RADIL: variants seen among roughly 807,000 people sequenced by gnomAD.
RADIL encodes ras-associating and dilute domain-containing protein.
RADIL carries 99 observed loss-of-function variants against 97.6 expected under a neutral mutation model. That is an observed-to-expected ratio of 1.01 (90% confidence interval 0.86 to 1.20). RADIL has a LOEUF of 1.20. RADIL is among the 50% of genes most tolerant of loss of function. RADIL has a pLI of 0.00. For missense variants in RADIL, 1,765 were observed against 1,498.9 expected, an observed-to-expected ratio of 1.18 and a Z score of -2.93; for synonymous variants, 803 against 691.8, an observed-to-expected ratio of 1.16 and a Z score of -2.52.
At chr7:4,836,247 A>G (rs1386445877) in intron 3 of RADIL, 111 bp downstream of exon 3, 9 of 1,470,098 alleles carry the variant, frequency 6.1e-6, no homozygotes, top group Non-Finnish European at 7.3e-6. Flanking sequence ...GGCTGCAGCC[A>G]CAGAGCTCGC....
intron 5 of RADIL, among the ~76,000 whole-genome samples, chr7:4,827,375 A>G (rs1783015664): frequency 7.0e-6 from 1 of 143,322 alleles, no homozygotes; most frequent in Non-Finnish European, 1.5e-5. Flanking sequence ...AAAAAAAAAA[A>G]AGGGCCGGGT....
rs1783338274 is a variant in RADIL, at chr7:4,837,708, T to C, written c.536-1103A>G. On this transcript the variant is annotated intron_variant, in intron 2 of 14. Transcript: ENST00000399583. The surrounding 1 kb of genome is among the most constrained non-coding windows in gnomAD (Gnocchi z 5.6). Reference sequence around the variant, plus strand: ...ATTAACACATACATGCACACAAACATGCGCACAGTTCAGAGATAACACACA... The same window carrying C: ...ATTAACACATACATGCACACAAACACGCGCACAGTTCAGAGATAACACACA... The C allele has an allele frequency of 2.0e-6, 1 of 491,562 alleles. No individual in the cohort carries two copies. Among genetic ancestry groups the C allele is most frequent in the South Asian group, 8.8e-5 (1 of 11,408 alleles). 30.5% of individuals were successfully genotyped at this position (491,562 alleles called of 1,614,324 possible). A position where few individuals can be genotyped will look rare whatever the true frequency, so the allele number is the denominator to read the frequency against.
intron 2 of RADIL, chr7:4,861,951 C>T (rs1029219292): frequency 4.1e-6 from 2 of 493,814 alleles, no homozygotes. Flanking sequence ...CGCTGCGCGC[C>T]CGCCGCTTCA....
Position 4,883,150 on chromosome 7 carries a change from G to C in RADIL, c.-65+446C>G, listed in dbSNP as rs1419767966. Among the ~76,000 whole-genome samples the C allele has an allele frequency of 6.9e-6, 1 of 145,802 alleles. No homozygotes were observed. Among genetic ancestry groups the C allele is most frequent in the Non-Finnish European group, 1.5e-5 (1 of 67,946 alleles). ...ACGTCTCGCCGGCCCAGGTGGGAGAGCGCGCGGAACCCTGCGCCCCGCTCC... is the reference window on the plus strand; with the variant it reads ...ACGTCTCGCCGGCCCAGGTGGGAGACCGCGCGGAACCCTGCGCCCCGCTCC... On this transcript the variant is annotated intron_variant, in intron 1 of 14. Transcript: ENST00000399583. This position sits in a 1 kb window ranked among gnomAD's most constrained non-coding sequence, Gnocchi z 7.1.
Position 4,852,733 on chromosome 7 carries a change from G to A in RADIL, c.536-16128C>T, listed in dbSNP as rs192556480. On this transcript the variant is annotated intron_variant, in intron 2 of 14. Coordinates refer to ENST00000399583, the MANE Select transcript of RADIL (RefSeq NM_018059.5). ...AATTTTTGTGTTTTTGGTAGAGATG[G>A]GGTTTCACCATATTGGCCAGGCTGG... Among the ~76,000 whole-genome samples, 31 of 152,282 alleles carry A rather than the reference G, an allele frequency of 2.0e-4. No homozygotes were observed. The East Asian group carries it at 5.8e-3, about 28-fold the overall frequency.
intron 11 of RADIL, among the ~76,000 whole-genome samples, 189 bp from the exon 12 acceptor site, chr7:4,802,184 C>T (rs1240939496): frequency 6.6e-6 from 1 of 152,194 alleles, no homozygotes; most frequent in East Asian, 1.9e-4. Context: ...GGAGCACAGC[C>T]TGCGCTGGGC....
In RADIL at chr7:4,803,582, C is replaced by CCTGCCAGGCCTGCCAGGG. The variant is rs1554260701; in HGVS notation, c.2462_2463insCCCTGGCAGGCCTGGCAG (p.Gly820_Arg821insSerProGlyArgProGly). 165 of 1,535,068 alleles carry CCTGCCAGGCCTGCCAGGG rather than the reference C, an allele frequency of 1.1e-4. 1 individual carries two copies. The African/African-American group carries it at 2.3e-3, about 21-fold the overall frequency. On this transcript the variant is annotated inframe_insertion, in exon 11 of 15. Coordinates refer to ENST00000399583, the MANE Select transcript of RADIL (RefSeq NM_018059.5). ...CTGGCTGGGAGGCCCCACTGCCAGG[C>CCTGCCAGGCCTGCCAGGG]CTGCCAGGGCTGCCGGGGCTGGCTC...
rs1032623875 is a variant in RADIL at position 4,840,505 on chromosome 7, T to A, written c.536-3900A>T. Among the ~76,000 whole-genome samples, 1 of 152,140 alleles carries A rather than the reference T, an allele frequency of 6.6e-6. No homozygotes were observed. The highest frequency in any genetic ancestry group is 2.4e-5 in the African/African-American group (1 of 41,434). On this transcript the variant is annotated intron_variant, in intron 2 of 14. Transcript: ENST00000399583. This position sits in a 1 kb window ranked among gnomAD's most constrained non-coding sequence, Gnocchi z 5.6. ...AAGGCCCTCAGACCCGGCAGCACAC[T>A]GCTCAGGAAGGGTAGGCCAGGGCTT...
At chr7:4,853,633 T>C (rs1341434149) in intron 2 of RADIL, among the ~76,000 whole-genome samples, 2 of 151,186 alleles carry the variant, frequency 1.3e-5, no homozygotes, top group Admixed American at 1.3e-4. Context: ...TCCCAGCTAC[T>C]TGGGAGGCTG....
chr7:4,806,128 C>T (rs1782299732), intron 9 of RADIL: 2 of 862,214 alleles, frequency 2.3e-6, no homozygotes, highest in African/African-American at 3.7e-5. Flanking sequence ...ATTTAGGTGA[C>T]AGGAGGCAGG....
chr7:4,877,829 G>T lies in RADIL; in HGVS notation c.311C>A (p.Pro104His). 6.2e-7 allele frequency: 1 copy of T among 1,608,168 alleles called. No homozygotes were observed. The highest frequency in any genetic ancestry group is 8.5e-7 in the Non-Finnish European group (1 of 1,179,868). The change falls in exon 2 of 15, where the codon CCC (proline) becomes CAC (histidine). Residue 104 changes from proline to histidine, a missense_variant. Pro to His is a moderately conservative substitution (Grantham distance 77). Coordinates refer to ENST00000399583, the MANE Select transcript of RADIL (RefSeq NM_018059.5). ...KEALERYALD[P>H]RQAGQYVLCD... ...CAGCACGTACTGGCCGGCCTGCCTGGGGTCCAGGGCGTACCGCTCCAGCGC... is the reference window on the plus strand; with the variant it reads ...CAGCACGTACTGGCCGGCCTGCCTGTGGTCCAGGGCGTACCGCTCCAGCGC...
chr7:4,847,759 A>AC (rs1169706008), intron 2 of RADIL, among the ~76,000 whole-genome samples: 1 of 150,334 alleles, frequency 6.7e-6, no homozygotes, highest in Non-Finnish European at 1.5e-5. Flanking sequence ...AAAAAAAAAA[A>AC]AAAAAAACAC....
chr7:4,798,335 A>G lies in RADIL; in HGVS notation c.*1043T>C, dbSNP rs947442949. 3.9e-5 allele frequency: 6 copies of G among 152,134 alleles called. No individual in the cohort carries two copies. Among genetic ancestry groups the G allele is most frequent in the Non-Finnish European group, 8.8e-5 (6 of 68,034 alleles). The allele number at this position is 152,134 out of a possible 1,614,324, so 9.4% of individuals were successfully genotyped here. A position where few individuals can be genotyped will look rare whatever the true frequency, so the allele number is the denominator to read the frequency against. ...GCCCAGGGCCTGGGACAGACCCAGG[A>G]CACCGATCTGGGGACCCCGCACAGA... On this transcript the variant is annotated 3_prime_UTR_variant, in exon 15 of 15. Coordinates refer to ENST00000399583, the MANE Select transcript of RADIL (RefSeq NM_018059.5).
chr7:4,817,402 A>C lies in RADIL; in HGVS notation c.1616-51T>G. The C allele has an allele frequency of 6.6e-7, 1 of 1,518,006 alleles. No individual in the cohort carries two copies. The allele number at this position is 1,518,006 out of a possible 1,614,324, so 94.0% of individuals were successfully genotyped here. On this transcript the variant is annotated intron_variant, in intron 6 of 14. Transcript: ENST00000399583. The surrounding 1 kb of genome is among the most constrained non-coding windows in gnomAD (Gnocchi z 8.3). The stretch of plus-strand genomic sequence containing the variant: ...GTCACAACGGGCACAGCGCTCAGGA[A>C]CGCAGCAACTCAGCCAGCCGCCAGC...
At chr7:4,806,540 C>T (rs1432516364) in intron 9 of RADIL, among the ~76,000 whole-genome samples, 2 of 152,346 alleles carry the variant, frequency 1.3e-5, no homozygotes, top group East Asian at 3.9e-4. Flanking sequence ...AAGGGTGGAT[C>T]CCTCCAATAA....
rs1784429771 is a variant in RADIL, at chr7:4,879,005, C to A, written c.-64-802G>T. 6.6e-6 allele frequency among the ~76,000 whole-genome samples: 1 copy of A among 152,218 alleles called. No homozygotes were observed. On this transcript the variant is annotated intron_variant, in intron 1 of 14. Coordinates refer to ENST00000399583, the MANE Select transcript of RADIL (RefSeq NM_018059.5). This position sits in a 1 kb window ranked among gnomAD's most constrained non-coding sequence, Gnocchi z 4.1. ...ACCATCAGACATTCCAGACACAAAC[C>A]CCCAGAATCTACCCCTCAGGGCAAG... is the stretch of plus-strand genomic sequence containing the variant.
chr7:4,816,057 G>C (rs900021376), intron 8 of RADIL, among the ~76,000 whole-genome samples, 171 bp downstream of exon 8: 1 of 152,128 alleles, frequency 6.6e-6, no homozygotes, highest in African/African-American at 2.4e-5. Flanking sequence ...GCGCTGTGCT[G>C]ATCTGTCCCC....
chr7:4,857,998 T>C (rs988600414), intron 2 of RADIL: 1 of 152,614 alleles, frequency 6.6e-6, no homozygotes, highest in Non-Finnish European at 1.5e-5. Flanking sequence ...GTAAACAAAA[T>C]GACCAGACTA....
At chr7:4,859,595 C>G (rs2115030857) in intron 2 of RADIL, 1 of 334,146 alleles carries the variant, frequency 3.0e-6, no homozygotes, top group South Asian at 4.1e-5. Flanking sequence ...ACCCCTCATT[C>G]TCCTTCCTTA....
Sources: allele counts gnomAD v4.1 joint callset (sites outside exome capture counted in the v4.1 genomes callset), GRCh38; gene constraint gnomAD v4.1.1; non-coding constraint Gnocchi (gnomAD v3.1); transcripts MANE v1.5; gene names NCBI Gene and HGNC (gene_info 2026-07-23, HGNC 2026-07-21).